Variants in CSTPP1 observed in about 807,000 individuals in gnomAD.
The protein encoded by CSTPP1 is centriolar satellite-associated tubulin polyglutamylase complex regulator 1, also known as UPF0705 protein C11orf49.
the CSTPP1 span, among the ~76,000 whole-genome samples, chr11:46,990,111 G>A: frequency 1.3e-5 from 2 of 152,076 alleles, no homozygotes; most frequent in Non-Finnish European, 2.9e-5. Context: ...GAATGTACGA[G>A]TGCATGGGGA....
the CSTPP1 span, among the ~76,000 whole-genome samples, chr11:47,095,537 C>T: frequency 6.6e-6 from 1 of 152,084 alleles, no homozygotes; most frequent in Non-Finnish European, 1.5e-5. Flanking sequence ...GTTTTAGCTT[C>T]CAATTGAAGG....
chr11:47,060,613 C>A, the CSTPP1 span, among the ~76,000 whole-genome samples: 1 of 152,022 alleles, frequency 6.6e-6, no homozygotes, highest in Non-Finnish European at 1.5e-5. Flanking sequence ...CACTAAAAAG[C>A]ATAAGAATGA....
the CSTPP1 span, among the ~76,000 whole-genome samples, chr11:46,999,824 G>C: frequency 6.6e-6 from 1 of 152,136 alleles, no homozygotes; most frequent in South Asian, 2.1e-4. Flanking sequence ...TATTTGGAAG[G>C]CTTCTCTTCT....
At chr11:46,998,774 C>T in the CSTPP1 span, among the ~76,000 whole-genome samples, 2 of 151,838 alleles carry the variant, frequency 1.3e-5, no homozygotes, top group Admixed American at 6.6e-5. Context: ...CTTGCTCTGT[C>T]GCCCAGGCTG....
the CSTPP1 span, among the ~76,000 whole-genome samples, chr11:47,027,116 C>T: frequency 4.6e-5 from 7 of 152,020 alleles, no homozygotes; most frequent in Non-Finnish European, 1.0e-4. Context: ...CCTGTATTTC[C>T]CTGTTTCTAC....
the CSTPP1 span, among the ~76,000 whole-genome samples, chr11:47,136,122 A>G: frequency 2.6e-5 from 4 of 152,206 alleles, no homozygotes; most frequent in Admixed American, 2.6e-4. Flanking sequence ...TATATCCACC[A>G]AAGTTTAGCC....
the CSTPP1 span, chr11:47,023,407 G>C: frequency 6.5e-6 from 1 of 154,450 alleles, no homozygotes; most frequent in African/African-American, 2.4e-5. Context: ...GAGTATCCTG[G>C]GGACTGGAAG....
the CSTPP1 span, among the ~76,000 whole-genome samples, chr11:47,013,376 G>A: frequency 1.3e-5 from 2 of 152,002 alleles, no homozygotes; most frequent in Admixed American, 1.3e-4. Context: ...GCATGCAATA[G>A]CTATTTTTCC....
the CSTPP1 span, chr11:47,159,636 C>G: frequency 2.2e-6 from 1 of 456,246 alleles, no homozygotes; most frequent in Non-Finnish European, 4.4e-6. Context: ...CCAGTAGCAG[C>G]CACTAGGAAG....
chr11:47,157,787 C>T, the CSTPP1 span: 3 of 1,606,586 alleles, frequency 1.9e-6, no homozygotes, highest in Non-Finnish European at 2.6e-6. Flanking sequence ...TGGCTAGGCT[C>T]TGAATGTGGC....
chr11:47,095,515 G>A, the CSTPP1 span, among the ~76,000 whole-genome samples: 1 of 152,144 alleles, frequency 6.6e-6, no homozygotes, highest in African/African-American at 2.4e-5. Context: ...CTGCCAGGGT[G>A]TTGTAATATA....
chr11:47,044,271 G>A, the CSTPP1 span, among the ~76,000 whole-genome samples: 1 of 152,138 alleles, frequency 6.6e-6, no homozygotes, highest in Non-Finnish European at 1.5e-5. Flanking sequence ...ACAGGTGTGA[G>A]CCACCGCTCC....
the CSTPP1 span, among the ~76,000 whole-genome samples, chr11:46,975,270 C>T: frequency 6.6e-6 from 1 of 152,100 alleles, no homozygotes; most frequent in Non-Finnish European, 1.5e-5. Context: ...GAGCATGACC[C>T]TCTCTCAAAA....
chr11:47,109,891 G>A, the CSTPP1 span, among the ~76,000 whole-genome samples: 1 of 152,324 alleles, frequency 6.6e-6, no homozygotes, highest in African/African-American at 2.4e-5. Context: ...TAGCATTTGT[G>A]TGCAGAATGG....
At chr11:46,971,117 A>C in the CSTPP1 span, among the ~76,000 whole-genome samples, 6 of 152,320 alleles carry the variant, frequency 3.9e-5, no homozygotes, top group Admixed American at 1.3e-4. Flanking sequence ...TATAGATCAA[A>C]CTGTTAGCAG....
the CSTPP1 span, among the ~76,000 whole-genome samples, chr11:47,077,924 T>G: frequency 6.6e-6 from 1 of 152,144 alleles, no homozygotes; most frequent in Non-Finnish European, 1.5e-5. Context: ...GAAATAATCA[T>G]TCTAAGAAAA....
At chr11:47,046,908 T>TC in the CSTPP1 span, among the ~76,000 whole-genome samples, 1 of 149,308 alleles carries the variant, frequency 6.7e-6, no homozygotes, top group African/African-American at 2.5e-5. Context: ...TCTTTTCTTT[T>TC]TTTTTTTTTT....
chr11:47,155,686 A>G, the CSTPP1 span: 21 of 194,820 alleles, frequency 1.1e-4, no homozygotes, highest in East Asian at 4.9e-4. Flanking sequence ...CATGCAGCTC[A>G]TAAGTGGTGG....
chr11:47,059,563 T>C, the CSTPP1 span, among the ~76,000 whole-genome samples: 1 of 152,168 alleles, frequency 6.6e-6, no homozygotes, highest in Non-Finnish European at 1.5e-5. Context: ...GAATACGTTC[T>C]AAAAACAGGG....
Sources: gnomAD v4.1 joint callset for allele counts (sites outside exome capture counted in the v4.1 genomes callset) on GRCh38, gnomAD v4.1.1 for gene constraint, MANE v1.5 for transcripts, NCBI Gene and HGNC (gene_info 2026-07-23, HGNC 2026-07-21) for gene names.